Variants in UVRAG observed in about 807,000 individuals in gnomAD.
UVRAG encodes UV radiation resistance-associated gene protein.
Under a neutral mutation model 78.0 loss-of-function variants are expected in UVRAG, and 19 were observed. That is an observed-to-expected ratio of 0.24 (90% CI 0.17 to 0.36). The LOEUF is 0.36. Among genes scored for constraint, UVRAG ranks in the 10% least tolerant of loss-of-function variants. The pLI, the probability that UVRAG is intolerant of heterozygous loss-of-function variation, is 1.00. For synonymous variants in UVRAG, 323 were observed against 324.6 expected, an observed-to-expected ratio of 1.00 and a Z score of 0.05; for missense variants, 740 against 853.8, an observed-to-expected ratio of 0.87 and a Z score of 1.66.
intron 7 of UVRAG, among the ~76,000 whole-genome samples, chr11:75,964,373 G>A (rs1468986224): frequency 6.6e-6 from 1 of 152,042 alleles, no homozygotes; most frequent in African/African-American, 2.4e-5. Flanking sequence ...TGGGCCTGGA[G>A]GTTTTTTTGT....
intron 5 of UVRAG, among the ~76,000 whole-genome samples, chr11:75,907,414 TA>T (rs1947638915): frequency 3.3e-5 from 5 of 152,088 alleles, no homozygotes; most frequent in African/African-American, 9.6e-5. Flanking sequence ...TTTTTTTTTT[TA>T]AATCATGGAA....
At chr11:75,827,683 C>G (rs1945545769) in intron 1 of UVRAG, among the ~76,000 whole-genome samples, 1 of 152,144 alleles carries the variant, frequency 6.6e-6, no homozygotes, top group Non-Finnish European at 1.5e-5. Context: ...GCCATTTATT[C>G]AATAGATACT....
At chr11:76,139,245 A>C (rs1952657438) in intron 14 of UVRAG, among the ~76,000 whole-genome samples, 1 of 152,280 alleles carries the variant, frequency 6.6e-6, no homozygotes, top group African/African-American at 2.4e-5. Context: ...GAGGAGAGAG[A>C]GCAGGGAGCT....
At chr11:75,831,217 G>A (rs1945647285) in intron 1 of UVRAG, among the ~76,000 whole-genome samples, 1 of 152,080 alleles carries the variant, frequency 6.6e-6, no homozygotes, top group Non-Finnish European at 1.5e-5. Flanking sequence ...GGCCGGGAAC[G>A]GTGGCTCACA....
chr11:76,117,229 C>T (rs1022080548), intron 14 of UVRAG, among the ~76,000 whole-genome samples: 2 of 152,144 alleles, frequency 1.3e-5, no homozygotes, highest in African/African-American at 4.8e-5. Context: ...AAGAGGTTTT[C>T]TAACACAATG....
intron 12 of UVRAG, among the ~76,000 whole-genome samples, chr11:76,035,918 T>C (rs1343842707): frequency 6.6e-6 from 1 of 152,182 alleles, no homozygotes; most frequent in Non-Finnish European, 1.5e-5. Context: ...CCTTGTCTCA[T>C]GAGTAAATAC....
intron 8 of UVRAG, among the ~76,000 whole-genome samples, chr11:76,003,653 A>G (rs568517341): frequency 6.6e-6 from 1 of 152,292 alleles, no homozygotes; most frequent in Non-Finnish European, 1.5e-5. Flanking sequence ...GTTATTCCGT[A>G]GCATTTTTGG....
chr11:76,050,478 A>G (rs1390095314), intron 12 of UVRAG, among the ~76,000 whole-genome samples: 1 of 152,206 alleles, frequency 6.6e-6, no homozygotes, highest in Non-Finnish European at 1.5e-5. Flanking sequence ...CCTCAAGGAA[A>G]TTGCGTTTTA....
At chr11:75,845,831 G>A (rs1411422731) in intron 1 of UVRAG, among the ~76,000 whole-genome samples, 1 of 151,552 alleles carries the variant, frequency 6.6e-6, no homozygotes, top group Non-Finnish European at 1.5e-5. Context: ...AACAAAACCT[G>A]TATATGTACC....
At chr11:76,104,813 TC>T in intron 13 of UVRAG, among the ~76,000 whole-genome samples, 1 of 152,228 alleles carries the variant, frequency 6.6e-6, no homozygotes, top group Non-Finnish European at 1.5e-5. Flanking sequence ...CCTGTATGTT[TC>T]TTATGTAATC....
chr11:76,088,026 C>T (rs551209663), intron 13 of UVRAG, among the ~76,000 whole-genome samples: 1 of 152,134 alleles, frequency 6.6e-6, no homozygotes, highest in Non-Finnish European at 1.5e-5. Context: ...CCTAGCCTCT[C>T]GAGTAGCCAG....
chr11:75,965,372 C>T (rs564693934), intron 7 of UVRAG, among the ~76,000 whole-genome samples: 2 of 152,264 alleles, frequency 1.3e-5, no homozygotes, highest in Admixed American at 1.3e-4. Flanking sequence ...AGTGCAGTGG[C>T]GCGATCTCGG....
At chr11:76,057,501 G>C (rs1484486913) in intron 12 of UVRAG, among the ~76,000 whole-genome samples, 5 of 152,070 alleles carry the variant, frequency 3.3e-5, no homozygotes, top group African/African-American at 1.2e-4. Context: ...TTTTAAAATG[G>C]CTTATTTTTT....
At chr11:76,051,560 TA>T (rs957146748) in intron 12 of UVRAG, among the ~76,000 whole-genome samples, 1 of 151,620 alleles carries the variant, frequency 6.6e-6, no homozygotes, top group South Asian at 2.1e-4. Context: ...AACTTACAAG[TA>T]AAAAAAAGGA....
At chr11:75,847,755 G>A (rs528596679) in intron 1 of UVRAG, among the ~76,000 whole-genome samples, 69 of 150,984 alleles carry the variant, frequency 4.6e-4, no homozygotes, top group East Asian at 1.8e-3. Context: ...GGCGGATCAC[G>A]AGGTCAGGAG....
chr11:75,978,068 T>C (rs1158779961), intron 7 of UVRAG, among the ~76,000 whole-genome samples: 2 of 152,204 alleles, frequency 1.3e-5, no homozygotes, highest in Non-Finnish European at 2.9e-5. Context: ...GGCCTGGTGG[T>C]GACAAAATCT....
At chr11:76,023,029 ACT>A (rs377056285) in intron 12 of UVRAG, among the ~76,000 whole-genome samples, 281 of 150,064 alleles carry the variant, frequency 1.9e-3, no homozygotes, top group African/African-American at 6.7e-3. Context: ...GCATATAAAA[ACT>A]CTGTTTCTAT....
intron 8 of UVRAG, among the ~76,000 whole-genome samples, chr11:75,990,004 T>C (rs925160231): frequency 2.2e-4 from 33 of 152,236 alleles, no homozygotes; most frequent in Non-Finnish European, 5.9e-5. Context: ...GTATTTCACA[T>C]AGTTGACATT....
chr11:75,977,018 T>TC (rs981595454), intron 7 of UVRAG, among the ~76,000 whole-genome samples: 16 of 152,232 alleles, frequency 1.1e-4, no homozygotes, highest in Non-Finnish European at 1.5e-4. Context: ...TGCTATAAAT[T>TC]CCCCTCTAAA....
Sources: gnomAD v4.1 joint callset for allele counts (sites outside exome capture counted in the v4.1 genomes callset) on GRCh38, gnomAD v4.1.1 for gene constraint, MANE v1.5 for transcripts, NCBI Gene and HGNC (gene_info 2026-07-23, HGNC 2026-07-21) for gene names.